Variants in ZNF623 observed in about 807,000 individuals in gnomAD.
ZNF623 encodes the protein zinc finger protein 623.
In ZNF623, 16 loss-of-function variants were observed where a neutral mutation model predicts 24.0. The ratio of observed to expected loss-of-function variants is 0.67; its 90% CI spans 0.45 to 1.01. The LOEUF is 1.01. Ranked by LOEUF, ZNF623 falls within the 50% of genes least tolerant of loss-of-function variation. The probability of loss-of-function intolerance (pLI) is 0.00; values close to 1 mark genes in which losing one functional copy is unlikely to be tolerated. For missense variants in ZNF623, 566 were observed against 606.5 expected (o/e 0.93, Z 0.70); for synonymous variants, 224 against 219.8 (o/e 1.02, Z -0.17).
Position 143,650,554 on chromosome 8 carries a change from G to A in ZNF623, c.562G>A (p.Val188Ile). 1.2e-6 allele frequency: 2 copies of A among 1,614,096 alleles called. No individual in the cohort carries two copies. Among genetic ancestry groups the A allele is most frequent in the Non-Finnish European group, 1.7e-6 (2 of 1,180,026 alleles). Residue 188 changes from valine to isoleucine, a missense_variant, in exon 2 of 2, where the codon GTT becomes ATT. Val to Ile is a conservative substitution (Grantham distance 29, BLOSUM62 3). This residue lies in a region of ZNF623 where 313 missense variants were observed against 300.4 expected (regional missense o/e 1.04). Coordinates refer to ENST00000526926, the MANE Select transcript of ZNF623 (RefSeq NM_001261843.2). The surrounding 1 kb of genome is among the most constrained non-coding windows in gnomAD (Gnocchi z 5.2). ...TTCAGACCTGATTAGGCACCAGAGA[G>A]TTCACACCAGAGAGAGACCTTTTGA... ...HSSDLIRHQR[V>I]HTRERPFECK...
At position 143,652,575 on chromosome 8, in the gene ZNF623, A is replaced by C. The variant is rs1444546069; in HGVS notation, c.*1092A>C. On this transcript the variant is annotated 3_prime_UTR_variant, in exon 2 of 2. Transcript: ENST00000526926. ...TGCAGGCAATATCCTGTGCACATCC[A>C]CGCCCTCCTGTGTGCCACCTTACAG... is the stretch of plus-strand genomic sequence containing the variant. 6.0e-6 allele frequency: 1 copy of C among 166,998 alleles called. No individual in the cohort carries two copies. The highest frequency in any genetic ancestry group is 1.9e-4 in the East Asian group (1 of 5,200). The allele number at this position is 166,998 out of a possible 1,614,324, so 10.3% of individuals were successfully genotyped here.
In ZNF623 at chr8:143,651,555, T is replaced by G; in HGVS notation, c.*72T>G. The G allele has an allele frequency of 6.6e-7, 1 of 1,505,288 alleles. No individual in the cohort carries two copies. The highest frequency in any genetic ancestry group is 8.9e-7 in the Non-Finnish European group (1 of 1,123,784). 93.2% of individuals were successfully genotyped at this position (1,505,288 alleles called of 1,614,324 possible). A position where few individuals can be genotyped will look rare whatever the true frequency, so the allele number is the denominator to read the frequency against. ...ATTAGGATTCATGTGGTTTCTAAGATTTGGACATGTCAGAATTTTGTGAGT... is the reference window on the plus strand; with the variant it reads ...ATTAGGATTCATGTGGTTTCTAAGAGTTGGACATGTCAGAATTTTGTGAGT... On this transcript the variant is annotated 3_prime_UTR_variant, in exon 2 of 2. Transcript: ENST00000526926.
At chr8:143,640,025 G>A (rs901139548) in intron 1 of ZNF623, among the ~76,000 whole-genome samples, 2 of 152,204 alleles carry the variant, frequency 1.3e-5, no homozygotes, top group African/African-American at 2.4e-5. Context: ...GAATGCTAGG[G>A]AACCACATTG....
rs1815219705 is a variant in ZNF623, at chr8:143,648,405, G to A, written c.-95-1493G>A. Among the ~76,000 whole-genome samples the A allele has an allele frequency of 1.3e-5, 2 of 152,118 alleles. 1 individual carries two copies. Among genetic ancestry groups the A allele is most frequent in the South Asian group, 4.1e-4 (2 of 4,822 alleles). On this transcript the variant is annotated intron_variant, in intron 1 of 1. Transcript: ENST00000526926. The stretch of plus-strand genomic sequence containing the variant: ...CTGATATGGTGACGTGGATGTTTGG[G>A]GTGAGAGCCCTACTGTAGTAGGCTC...
At chr8:143,637,809 A>G (rs1401081321) in intron 1 of ZNF623, among the ~76,000 whole-genome samples, 2 of 152,022 alleles carry the variant, frequency 1.3e-5, no homozygotes, top group South Asian at 2.1e-4. Flanking sequence ...CGGCTTCCCA[A>G]ACTGCTGGGA....
At chr8:143,640,895 T>G (rs1243794524) in intron 1 of ZNF623, among the ~76,000 whole-genome samples, 1 of 139,864 alleles carries the variant, frequency 7.1e-6, no homozygotes, top group African/African-American at 2.7e-5. Flanking sequence ...GAGCCGAGAT[T>G]GCACCACTCC....
rs765417566 is a variant in ZNF623 at position 143,649,918 on chromosome 8, GAGA to G, written c.-69_-67del. 4.5e-5 allele frequency: 72 copies of G among 1,612,166 alleles called. No homozygotes were observed. The highest frequency in any genetic ancestry group is 4.2e-5 in the Non-Finnish European group (50 of 1,178,666). ...TTCAGATTCTAATGTAGGAACTGGT[GAGA>G]AGAAGGTGACTGAAGCCTGGATTTC... On this transcript the variant is annotated 5_prime_UTR_variant, in exon 2 of 2. Transcript: ENST00000526926.
intron 1 of ZNF623, among the ~76,000 whole-genome samples, chr8:143,641,970 C>G (rs925484776): frequency 6.6e-6 from 1 of 152,230 alleles, no homozygotes; most frequent in African/African-American, 2.4e-5. Flanking sequence ...CTTCACGTCA[C>G]CAGCTGCATT....
rs1815309129 is a variant in ZNF623, at chr8:143,651,293, T to G, written c.1301T>G (p.Phe434Cys). The stretch of plus-strand genomic sequence containing the variant: ...AAAGGCTTTATTCAGAGGTCAAACT[T>G]CCTTCAACACCAGAAAATTCATACT... Reference protein sequence around the residue: ...CGKGFIQRSNFLQHQKIHTEE... With the variant: ...CGKGFIQRSNCLQHQKIHTEE... The change falls in exon 2 of 2, where the codon TTC becomes TGC. Residue 434 changes from phenylalanine (F) to cysteine (C), a missense_variant. Around this residue, in one of 3 missense-constraint regions of ZNF623, gnomAD observed 136 missense variants for 131.9 expected, o/e 1.03. Transcript: ENST00000526926. The G allele has an allele frequency of 6.2e-7, 1 of 1,614,202 alleles. No homozygotes were observed.
intron 1 of ZNF623, among the ~76,000 whole-genome samples, chr8:143,640,112 G>C (rs1388048229): frequency 6.6e-6 from 1 of 152,210 alleles, no homozygotes; most frequent in African/African-American, 2.4e-5. Flanking sequence ...CTGCAATAAA[G>C]TGAATAGCAA....
chr8:143,648,237 G>A (rs1366481610), intron 1 of ZNF623, among the ~76,000 whole-genome samples: 1 of 152,180 alleles, frequency 6.6e-6, no homozygotes, highest in African/African-American at 2.4e-5. Flanking sequence ...GGCGTCAGGG[G>A]ACACTGGGAG....
At chr8:143,636,891 A>C (rs571238643) in intron 1 of ZNF623, among the ~76,000 whole-genome samples, 5 of 152,302 alleles carry the variant, frequency 3.3e-5, no homozygotes, top group African/African-American at 1.2e-4. Context: ...GTCATGGTCC[A>C]GGGACTCTCA....
At chr8:143,641,990 C>T (rs1471814803) in intron 1 of ZNF623, among the ~76,000 whole-genome samples, 1 of 152,204 alleles carries the variant, frequency 6.6e-6, no homozygotes, top group Non-Finnish European at 1.5e-5. Context: ...TCGCCCCTAA[C>T]GAGAGTCAGC....
Position 143,652,345 on chromosome 8 carries a change from T to C in ZNF623, c.*862T>C, listed in dbSNP as rs566292834. 1 of 167,254 alleles carries C rather than the reference T, an allele frequency of 6.0e-6. No individual in the cohort carries two copies. Among genetic ancestry groups the C allele is most frequent in the South Asian group, 2.1e-4 (1 of 4,832 alleles). 10.4% of individuals were successfully genotyped at this position (167,254 alleles called of 1,614,324 possible). ...GATTGATTTCCATGTGTCCACTGTC[T>C]AGCACAGGGCAATAAAAAATACACC... is the stretch of plus-strand genomic sequence containing the variant. On this transcript the variant is annotated 3_prime_UTR_variant, in exon 2 of 2. Transcript: ENST00000526926.
intron 1 of ZNF623, among the ~76,000 whole-genome samples, chr8:143,647,480 T>G (rs1815202359): frequency 6.6e-6 from 1 of 152,152 alleles, no homozygotes; most frequent in African/African-American, 2.4e-5. Context: ...TGTTTTATAG[T>G]GTGACTAGGA....
intron 1 of ZNF623, among the ~76,000 whole-genome samples, chr8:143,642,563 C>T (rs746307352): frequency 6.6e-6 from 1 of 152,158 alleles, no homozygotes. Context: ...GACATGCCTT[C>T]CTCACAAAGC....
chr8:143,645,331 G>A (rs1323629461), intron 1 of ZNF623, among the ~76,000 whole-genome samples: 2 of 150,688 alleles, frequency 1.3e-5, no homozygotes, highest in Non-Finnish European at 3.0e-5. Context: ...AGTCCCAGTT[G>A]CTCGGCAGGA....
At chr8:143,638,074 A>G (rs536476827) in intron 1 of ZNF623, among the ~76,000 whole-genome samples, 2 of 152,364 alleles carry the variant, frequency 1.3e-5, no homozygotes, top group East Asian at 3.9e-4. Context: ...TGTTTCTTCA[A>G]AGCAAGATAT....
At chr8:143,647,264 C>T (rs1220946231) in intron 1 of ZNF623, among the ~76,000 whole-genome samples, 1 of 152,162 alleles carries the variant, frequency 6.6e-6, no homozygotes, top group Non-Finnish European at 1.5e-5. Flanking sequence ...GGGTTCAGGC[C>T]ATTCTCCTGC....
Sources: allele counts gnomAD v4.1 joint callset (sites outside exome capture counted in the v4.1 genomes callset), GRCh38; gene constraint gnomAD v4.1.1; regional missense constraint gnomAD v4.1.1; non-coding constraint Gnocchi (gnomAD v3.1); transcripts MANE v1.5; gene names NCBI Gene and HGNC (gene_info 2026-07-23, HGNC 2026-07-21).